The following MBLAC1 variants were observed in gnomAD, a reference collection of about 807,000 sequenced individuals.
MBLAC1 encodes metallo-beta-lactamase domain-containing protein 1.
A neutral mutation model predicts 1.5 loss-of-function variants in MBLAC1; 1 was observed. The observed-to-expected ratio is 0.68, with a 90% CI of 0.24 to 3.21. The LOEUF (loss-of-function observed/expected upper bound fraction) is 3.21, where lower values mean the gene tolerates loss of function less well. MBLAC1 is among the 30% of genes most tolerant of loss of function. The pLI, the probability that MBLAC1 is intolerant of heterozygous loss-of-function variation, is 0.20. For missense variants in MBLAC1, 371 were observed against 384.7 expected, an observed-to-expected ratio of 0.96 and a Z score of 0.30; for synonymous variants, 197 against 191.3, an observed-to-expected ratio of 1.03 and a Z score of -0.25.
Position 100,127,755 on chromosome 7 carries a change from C to A in MBLAC1, c.360C>A (p.Ile120=). The A allele has an allele frequency of 6.5e-7, 1 of 1,535,916 alleles. No individual in the cohort carries two copies. Among genetic ancestry groups the A allele is most frequent in the East Asian group, 2.3e-5 (1 of 42,768 alleles). ...GGACCCACGGGCACTCGGATCACAT[C>A]GGGAACTTGGGGCTGTTCCCAGGCG... ...VVGTHGHSDH[I]GNLGLFPGAA... is the part of the protein sequence containing the mutation. The change falls in exon 2 of 2, where the codon ATC becomes ATA. Residue 120 remains isoleucine (I), a synonymous_variant. Transcript: ENST00000398075. This position sits in a 1 kb window ranked among gnomAD's most constrained non-coding sequence, Gnocchi z 4.6.
chr7:100,127,770 G>A lies in MBLAC1; in HGVS notation c.375G>A (p.Leu125=). 1 of 1,558,112 alleles carries A rather than the reference G, an allele frequency of 6.4e-7. No homozygotes were observed. The change falls in exon 2 of 2, where the codon CTG becomes CTA. Residue 125 remains leucine, a synonymous_variant. Coordinates refer to ENST00000398075, the MANE Select transcript of MBLAC1 (RefSeq NM_203397.3). This position sits in a 1 kb window ranked among gnomAD's most constrained non-coding sequence, Gnocchi z 4.6. ...CGGATCACATCGGGAACTTGGGGCT[G>A]TTCCCAGGCGCGGCTCTGCTGGTCT... is the stretch of plus-strand genomic sequence containing the variant. ...GHSDHIGNLG[L]FPGAALLVSH...
At position 100,128,316 on chromosome 7, in the gene MBLAC1, A is replaced by G. The variant is rs975189540; in HGVS notation, c.*120A>G. The G allele has an allele frequency of 1.4e-5, 12 of 869,852 alleles. 1 individual carries two copies. The Admixed American group carries it at 3.1e-4, about 23-fold the overall frequency. The allele number at this position is 869,852 out of a possible 1,614,324, so 53.9% of individuals were successfully genotyped here. A position where few individuals can be genotyped will look rare whatever the true frequency, so the allele number is the denominator to read the frequency against. ...AGCCCTTCCAGGAGGCCAGTTTTCTAGTGAAGACAGAGTGCACCTGACACT... is the reference window on the plus strand; with the variant it reads ...AGCCCTTCCAGGAGGCCAGTTTTCTGGTGAAGACAGAGTGCACCTGACACT... On this transcript the variant is annotated 3_prime_UTR_variant, in exon 2 of 2. Coordinates refer to ENST00000398075, the MANE Select transcript of MBLAC1 (RefSeq NM_203397.3).
Position 100,127,512 on chromosome 7 carries a change from C to T in MBLAC1, c.117C>T (p.Arg39=). The T allele has an allele frequency of 6.4e-7, 1 of 1,573,102 alleles. No individual in the cohort carries two copies. Among genetic ancestry groups the T allele is most frequent in the African/African-American group, 1.4e-5 (1 of 72,358 alleles). The change falls in exon 2 of 2, where the codon CGC becomes CGT. Residue 39 remains arginine (R), a synonymous_variant. Transcript: ENST00000398075. This position sits in a 1 kb window ranked among gnomAD's most constrained non-coding sequence, Gnocchi z 4.6. The part of the protein sequence containing the change: ...AEPEGVGDAV[R]ADGSVTLVLP... ...CAGAGGGTGTGGGCGATGCCGTGCGCGCCGACGGCTCCGTGACCCTGGTCC... is the reference window on the plus strand; with the variant it reads ...CAGAGGGTGTGGGCGATGCCGTGCGTGCCGACGGCTCCGTGACCCTGGTCC...
At position 100,127,944 on chromosome 7, in the gene MBLAC1, T is replaced by A; in HGVS notation, c.549T>A (p.Ala183=). ...RDVSVVVAGT[A]LGTVVVAGDV... ...TGAGCGTGGTGGTGGCCGGCACGGC[T>A]CTGGGCACCGTGGTGGTGGCGGGAG... The change falls in exon 2 of 2, where the codon GCT becomes GCA. Residue 183 remains alanine (A), a synonymous_variant. Coordinates refer to ENST00000398075, the MANE Select transcript of MBLAC1 (RefSeq NM_203397.3). This position sits in a 1 kb window ranked among gnomAD's most constrained non-coding sequence, Gnocchi z 4.6. 6.2e-7 allele frequency: 1 copy of A among 1,600,396 alleles called. No homozygotes were observed. The highest frequency in any genetic ancestry group is 8.5e-7 in the Non-Finnish European group (1 of 1,173,660).
At position 100,127,345 on chromosome 7, in the gene MBLAC1, T is replaced by C; in HGVS notation, c.-28-23T>C. The C allele has an allele frequency of 6.7e-7, 1 of 1,496,100 alleles. No homozygotes were observed. The allele number at this position is 1,496,100 out of a possible 1,614,324, so 92.7% of individuals were successfully genotyped here. A position where few individuals can be genotyped will look rare whatever the true frequency, so the allele number is the denominator to read the frequency against. On this transcript the variant is annotated intron_variant, in intron 1 of 1. Transcript: ENST00000398075. This position sits in a 1 kb window ranked among gnomAD's most constrained non-coding sequence, Gnocchi z 4.6. ...GCGGAGGGACAGGACGGTCGCCCAC[T>C]GCTCCATTTCCTTTCTCCCCAGCCC...
In MBLAC1 at chr7:100,127,528, A is replaced by G; in HGVS notation, c.133A>G (p.Thr45Ala). 6.4e-7 allele frequency: 1 copy of G among 1,559,502 alleles called. No homozygotes were observed. The highest frequency in any genetic ancestry group is 8.6e-7 in the Non-Finnish European group (1 of 1,160,496). ...TGCCGTGCGCGCCGACGGCTCCGTG[A>G]CCCTGGTCCTACCCCAGACCCGGGG... ...GDAVRADGSV[T>A]LVLPQTRGPA... is the part of the protein sequence containing the mutation. The change falls in exon 2 of 2, where the codon ACC becomes GCC. Residue 45 changes from threonine (T) to alanine (A), a missense_variant. By Grantham distance (58) the Thr-to-Ala change is moderately conservative. Coordinates refer to ENST00000398075, the MANE Select transcript of MBLAC1 (RefSeq NM_203397.3). The surrounding 1 kb of genome is among the most constrained non-coding windows in gnomAD (Gnocchi z 4.6).
chr7:100,127,954 G>C lies in MBLAC1; in HGVS notation c.559G>C (p.Val187Leu), dbSNP rs773352418. The change falls in exon 2 of 2, where the codon GTG (valine) becomes CTG (leucine). Residue 187 changes from valine (V) to leucine (L), a missense_variant. Val to Leu is a conservative substitution (Grantham distance 32). Coordinates refer to ENST00000398075, the MANE Select transcript of MBLAC1 (RefSeq NM_203397.3). The surrounding 1 kb of genome is among the most constrained non-coding windows in gnomAD (Gnocchi z 4.6). The part of the protein sequence containing the change: ...VVVAGTALGT[V>L]VVAGDVFERD... ...GGTGGCCGGCACGGCTCTGGGCACC[G>C]TGGTGGTGGCGGGAGATGTGTTTGA... is the stretch of plus-strand genomic sequence containing the variant. 2.5e-6 allele frequency: 4 copies of C among 1,605,284 alleles called. No individual in the cohort carries two copies. The African/African-American group carries it at 4.0e-5, about 16-fold the overall frequency.
rs376281246 is a variant in MBLAC1 at position 100,128,111 on chromosome 7, G to C, written c.716G>C (p.Arg239Thr). The C allele has an allele frequency of 1.4e-5, 23 of 1,608,676 alleles. No homozygotes were observed. The highest frequency in any genetic ancestry group is 1.8e-5 in the Non-Finnish European group (21 of 1,177,918). The change falls in exon 2 of 2, where the codon AGG becomes ACG. Residue 239 changes from arginine (R) to threonine (T), a missense_variant. Physicochemically the swap from Arg to Thr is moderately conservative, Grantham distance 71 (BLOSUM62 -1). Transcript: ENST00000398075. ...PGHGPPFRVL[R>T]EASQPETEGG... The stretch of plus-strand genomic sequence containing the variant: ...CACGGGCCCCCCTTTCGAGTGTTAA[G>C]GGAAGCCTCGCAGCCCGAGACGGAG...
At position 100,127,527 on chromosome 7, in the gene MBLAC1, G is replaced by A. The variant is rs1562941381; in HGVS notation, c.132G>A (p.Val44=). 2 of 1,563,198 alleles carry A rather than the reference G, an allele frequency of 1.3e-6. No homozygotes were observed. Among genetic ancestry groups the A allele is most frequent in the Non-Finnish European group, 1.7e-6 (2 of 1,162,398 alleles). ...VGDAVRADGS[V]TLVLPQTRGP... is the part of the protein sequence containing the mutation. ...ATGCCGTGCGCGCCGACGGCTCCGT[G>A]ACCCTGGTCCTACCCCAGACCCGGG... The change falls in exon 2 of 2, where the codon GTG becomes GTA. Residue 44 remains valine (V), a synonymous_variant. Coordinates refer to ENST00000398075, the MANE Select transcript of MBLAC1 (RefSeq NM_203397.3). The surrounding 1 kb of genome is among the most constrained non-coding windows in gnomAD (Gnocchi z 4.6).
At position 100,128,061 on chromosome 7, in the gene MBLAC1, C is replaced by T; in HGVS notation, c.666C>T (p.Val222=). 1.2e-6 allele frequency: 2 copies of T among 1,612,716 alleles called. No homozygotes were observed. Among genetic ancestry groups the T allele is most frequent in the Non-Finnish European group, 1.7e-6 (2 of 1,179,564 alleles). The change falls in exon 2 of 2, where the codon GTC becomes GTT. Residue 222 remains valine (V), a synonymous_variant. Transcript: ENST00000398075. ...AQERSRKRVL[V]VADVVVPGHG... is the part of the protein sequence containing the mutation. Reference sequence around the variant, plus strand: ...AGCGGAGCCGGAAGAGGGTCCTGGTCGTTGCCGACGTGGTCGTACCTGGTC... The same window carrying T: ...AGCGGAGCCGGAAGAGGGTCCTGGTTGTTGCCGACGTGGTCGTACCTGGTC...
Position 100,127,205 on chromosome 7 carries a change from G to T in MBLAC1, c.-29+141G>T. 1 of 579,274 alleles carries T rather than the reference G, an allele frequency of 1.7e-6. No homozygotes were observed. Among genetic ancestry groups the T allele is most frequent in the East Asian group, 3.3e-5 (1 of 29,890 alleles). The allele number at this position is 579,274 out of a possible 1,614,324, so 35.9% of individuals were successfully genotyped here. A position where few individuals can be genotyped will look rare whatever the true frequency, so the allele number is the denominator to read the frequency against. On this transcript the variant is annotated intron_variant, in intron 1 of 1. Coordinates refer to ENST00000398075, the MANE Select transcript of MBLAC1 (RefSeq NM_203397.3). The surrounding 1 kb of genome is among the most constrained non-coding windows in gnomAD (Gnocchi z 4.6). The stretch of plus-strand genomic sequence containing the variant: ...AGGGGCGGGCCCAAGTGTGAAGGGA[G>T]TCTGGGCGATACCATTTTGGGCAGG...
rs759254972 is a variant in MBLAC1, at chr7:100,127,831, C to G, written c.436C>G (p.Pro146Ala). The G allele has an allele frequency of 3.8e-6, 6 of 1,566,246 alleles. No individual in the cohort carries two copies. In the Admixed American group the frequency reaches 1.1e-4, roughly 29 times the overall value. ...DFCLPGGRYL[P>A]HGLGEGQPLR... ...CTGCCTTCCCGGAGGCCGCTACCTG[C>G]CCCACGGGCTGGGTGAGGGGCAGCC... is the stretch of plus-strand genomic sequence containing the variant. The change falls in exon 2 of 2, where the codon CCC (proline) becomes GCC (alanine). Residue 146 changes from proline to alanine, a missense_variant. By Grantham distance (27) the Pro-to-Ala change is conservative. Coordinates refer to ENST00000398075, the MANE Select transcript of MBLAC1 (RefSeq NM_203397.3). The surrounding 1 kb of genome is among the most constrained non-coding windows in gnomAD (Gnocchi z 4.6).
At position 100,127,995 on chromosome 7, in the gene MBLAC1, G is replaced by T. The variant is rs1004086645; in HGVS notation, c.600G>T (p.Glu200Asp). ...ATGTGTTTGAGCGAGATGGGGACGA[G>T]GATTCGTGGCAGGCACTGAGTGAAG... is the stretch of plus-strand genomic sequence containing the variant. ...AGDVFERDGD[E>D]DSWQALSEDP... Residue 200 changes from glutamate (E) to aspartate (D), a missense_variant, in exon 2 of 2, where the codon GAG (glutamate) becomes GAT (aspartate). Transcript: ENST00000398075. The surrounding 1 kb of genome is among the most constrained non-coding windows in gnomAD (Gnocchi z 4.6). The T allele has an allele frequency of 1.9e-6, 3 of 1,613,434 alleles. No homozygotes were observed. The highest frequency in any genetic ancestry group is 8.5e-7 in the Non-Finnish European group (1 of 1,179,736).
At position 100,127,281 on chromosome 7, in the gene MBLAC1, C is replaced by CT. The variant is rs1798248973; in HGVS notation, c.-28-85dup. 1 of 1,022,044 alleles carries CT rather than the reference C, an allele frequency of 9.8e-7. No individual in the cohort carries two copies. The highest frequency in any genetic ancestry group is 3.0e-5 in the East Asian group (1 of 33,152). 63.3% of individuals were successfully genotyped at this position (1,022,044 alleles called of 1,614,324 possible). On this transcript the variant is annotated intron_variant, in intron 1 of 1. Transcript: ENST00000398075. This position sits in a 1 kb window ranked among gnomAD's most constrained non-coding sequence, Gnocchi z 4.6. ...GGAGGCGGGTGGCAGAGAACCGAGG[C>CT]TTAGGGGCAGTGGCGGGGCCGAGCG...
At position 100,127,381 on chromosome 7, in the gene MBLAC1, G is replaced by C; in HGVS notation, c.-15G>C. 1.3e-6 allele frequency: 2 copies of C among 1,575,694 alleles called. No homozygotes were observed. The highest frequency in any genetic ancestry group is 2.3e-5 in the South Asian group (2 of 87,944). On this transcript the variant is annotated 5_prime_UTR_variant, in exon 2 of 2. Transcript: ENST00000398075. The surrounding 1 kb of genome is among the most constrained non-coding windows in gnomAD (Gnocchi z 4.6). Reference sequence around the variant, plus strand: ...CTTTCTCCCCAGCCCGTCCCTCCCTGCCAGGAGCAGCCTCATGCGGACCGA... The same window carrying C: ...CTTTCTCCCCAGCCCGTCCCTCCCTCCCAGGAGCAGCCTCATGCGGACCGA...
rs571310995 is a variant in MBLAC1, at chr7:100,127,136, A to T, written c.-29+72A>T. On this transcript the variant is annotated intron_variant, in intron 1 of 1. Transcript: ENST00000398075. The surrounding 1 kb of genome is among the most constrained non-coding windows in gnomAD (Gnocchi z 4.6). ...TTTGGAGGGTGACGGGCAAGGACGT[A>T]CGTACCGCGAACGGAATGGGGCGGG... 5.1e-4 allele frequency: 262 copies of T among 517,420 alleles called. 2 individuals carry two copies. The highest frequency in any genetic ancestry group is 4.9e-3 in the African/African-American group (245 of 49,528). 32.1% of individuals were successfully genotyped at this position (517,420 alleles called of 1,614,324 possible). A position where few individuals can be genotyped will look rare whatever the true frequency, so the allele number is the denominator to read the frequency against.
Position 100,127,127 on chromosome 7 carries a change from C to A in MBLAC1, c.-29+63C>A. 1 of 504,438 alleles carries A rather than the reference C, an allele frequency of 2.0e-6. No individual in the cohort carries two copies. Among genetic ancestry groups the A allele is most frequent in the Non-Finnish European group, 3.5e-6 (1 of 283,924 alleles). 31.2% of individuals were successfully genotyped at this position (504,438 alleles called of 1,614,324 possible). A position where few individuals can be genotyped will look rare whatever the true frequency, so the allele number is the denominator to read the frequency against. On this transcript the variant is annotated intron_variant, in intron 1 of 1. Coordinates refer to ENST00000398075, the MANE Select transcript of MBLAC1 (RefSeq NM_203397.3). This position sits in a 1 kb window ranked among gnomAD's most constrained non-coding sequence, Gnocchi z 4.6. ...AGGATAGCCTTTGGAGGGTGACGGGCAAGGACGTACGTACCGCGAACGGAA... is the reference window on the plus strand; with the variant it reads ...AGGATAGCCTTTGGAGGGTGACGGGAAAGGACGTACGTACCGCGAACGGAA...
rs919307524 is a variant in MBLAC1 at position 100,127,223 on chromosome 7, T to C, written c.-28-145T>C. 1.8e-5 allele frequency: 11 copies of C among 608,522 alleles called. No individual in the cohort carries two copies. Among genetic ancestry groups the C allele is most frequent in the African/African-American group, 3.9e-5 (2 of 51,080 alleles). The allele number at this position is 608,522 out of a possible 1,614,324, so 37.7% of individuals were successfully genotyped here. ...GAAGGGAGTCTGGGCGATACCATTT[T>C]GGGCAGGGGTTGAGGGTGATACCAA... On this transcript the variant is annotated intron_variant, in intron 1 of 1. Coordinates refer to ENST00000398075, the MANE Select transcript of MBLAC1 (RefSeq NM_203397.3). This position sits in a 1 kb window ranked among gnomAD's most constrained non-coding sequence, Gnocchi z 4.6.
At position 100,127,498 on chromosome 7, in the gene MBLAC1, G is replaced by A; in HGVS notation, c.103G>A (p.Gly35Ser). ...LQGYAEPEGVGDAVRADGSVT... is the reference protein window; with the variant it reads ...LQGYAEPEGVSDAVRADGSVT... ...GGGCTACGCGGAGCCAGAGGGTGTG[G>A]GCGATGCCGTGCGCGCCGACGGCTC... is the stretch of plus-strand genomic sequence containing the variant. The change falls in exon 2 of 2, where the codon GGC (glycine) becomes AGC (serine). Residue 35 changes from glycine to serine, a missense_variant. Coordinates refer to ENST00000398075, the MANE Select transcript of MBLAC1 (RefSeq NM_203397.3). This position sits in a 1 kb window ranked among gnomAD's most constrained non-coding sequence, Gnocchi z 4.6. 1.9e-6 allele frequency: 3 copies of A among 1,581,622 alleles called. No homozygotes were observed. Among genetic ancestry groups the A allele is most frequent in the Non-Finnish European group, 2.6e-6 (3 of 1,172,216 alleles).
Sources: gnomAD v4.1 joint callset for allele counts on GRCh38, gnomAD v4.1.1 for gene constraint, Gnocchi (gnomAD v3.1) non-coding constraint, MANE v1.5 for transcripts, NCBI Gene and HGNC (gene_info 2026-07-23, HGNC 2026-07-21) for gene names.